MOK: variants seen among roughly 807,000 people sequenced by gnomAD.
The protein encoded by MOK is MAPK/MAK/MRK overlapping kinase.
A neutral mutation model predicts 54.2 loss-of-function variants in MOK; 59 were observed. That is an observed-to-expected ratio of 1.09 (90% CI 0.88 to 1.35). The LOEUF (loss-of-function observed/expected upper bound fraction) is 1.35. MOK is among the 40% of genes most tolerant of loss of function. MOK has a pLI of 0.00. For synonymous variants in MOK, 210 were observed against 202.7 expected (o/e 1.04, Z -0.31); for missense variants, 517 against 526.2 (o/e 0.98, Z 0.17).
Position 102,266,008 on chromosome 14 carries a change from C to A in MOK, c.123-96G>T, listed in dbSNP as rs149859850. ...TCCAGGATCACAATTTTAAAACTCA[C>A]AAATATTTCAAGCAAGTTAATCAGG... On this transcript the variant is annotated intron_variant, in intron 2 of 11. Coordinates refer to ENST00000361847, the MANE Select transcript of MOK (RefSeq NM_014226.3). 1.6e-3 allele frequency: 1,377 copies of A among 876,318 alleles called. 31 individuals are homozygous for A. The East Asian group carries it at 0.03, about 19-fold the overall frequency. The allele number at this position is 876,318 out of a possible 1,614,324, so 54.3% of individuals were successfully genotyped here. A position where few individuals can be genotyped will look rare whatever the true frequency, so the allele number is the denominator to read the frequency against.
intron 1 of MOK, among the ~76,000 whole-genome samples, chr14:102,286,179 G>A (rs2070050628): frequency 6.6e-6 from 1 of 150,744 alleles, no homozygotes; most frequent in South Asian, 2.1e-4. Context: ...GGTGCCTGTA[G>A]TCCCAGCTAC....
rs897080678 is a variant in MOK, at chr14:102,232,203, T to G, written c.866+332A>C. ...GTGACATCCACAGTGCTCTACCATCTCAGAATGCATCCTGTTCACACCATT... is the reference window on the plus strand; with the variant it reads ...GTGACATCCACAGTGCTCTACCATCGCAGAATGCATCCTGTTCACACCATT... On this transcript the variant is annotated intron_variant, in intron 9 of 11. Transcript: ENST00000361847. This position sits in a 1 kb window ranked among gnomAD's most constrained non-coding sequence, Gnocchi z 5.1. The G allele has an allele frequency of 2.9e-6, 1 of 344,320 alleles. No individual in the cohort carries two copies. The allele number at this position is 344,320 out of a possible 1,614,324, so 21.3% of individuals were successfully genotyped here.
At chr14:102,278,987 G>A (rs2069143325) in intron 2 of MOK, among the ~76,000 whole-genome samples, 1 of 152,176 alleles carries the variant, frequency 6.6e-6, no homozygotes, top group African/African-American at 2.4e-5. Flanking sequence ...CAATCTTATG[G>A]GGTAGATACT....
At chr14:102,262,751 T>C (rs967303528) in intron 4 of MOK, among the ~76,000 whole-genome samples, 3 of 152,216 alleles carry the variant, frequency 2.0e-5, no homozygotes, top group Non-Finnish European at 2.9e-5. Context: ...AAATCATCTA[T>C]GATGCTGTCA....
intron 2 of MOK, among the ~76,000 whole-genome samples, chr14:102,275,292 C>T (rs946662446): frequency 9.2e-5 from 14 of 152,266 alleles, no homozygotes; most frequent in African/African-American, 4.8e-5. Flanking sequence ...TGGCCGGGCA[C>T]GGCGGCTCAC....
At chr14:102,248,583 C>G (rs767991946) in intron 7 of MOK, among the ~76,000 whole-genome samples, 3 of 151,976 alleles carry the variant, frequency 2.0e-5, no homozygotes, top group Non-Finnish European at 4.4e-5. Context: ...TCAAGACCAT[C>G]CTGGCTAACA....
At chr14:102,216,936 GA>G in the MOK span, among the ~76,000 whole-genome samples, 1 of 151,804 alleles carries the variant, frequency 6.6e-6, no homozygotes, top group South Asian at 2.1e-4. Context: ...CTGTCTTAAA[GA>G]AAAAAAATAG....
intron 10 of MOK, chr14:102,229,987 G>A (rs555158353): frequency 1.9e-4 from 59 of 306,368 alleles, no homozygotes; most frequent in Middle Eastern, 1.9e-3. Context: ...TCTGCCTGTC[G>A]CCTGGTTTTG....
the MOK span, among the ~76,000 whole-genome samples, chr14:102,218,843 G>A: frequency 2.0e-5 from 3 of 152,368 alleles, no homozygotes; most frequent in African/African-American, 7.2e-5. Context: ...GGAATTGCCA[G>A]CTGTCCTGCT....
chr14:102,231,952 A>C lies in MOK; in HGVS notation c.867-131T>G, dbSNP rs2064766968. 3 of 660,880 alleles carry C rather than the reference A, an allele frequency of 4.5e-6. No homozygotes were observed. Among genetic ancestry groups the C allele is most frequent in the South Asian group, 4.5e-5 (2 of 44,548 alleles). 40.9% of individuals were successfully genotyped at this position (660,880 alleles called of 1,614,324 possible). A position where few individuals can be genotyped will look rare whatever the true frequency, so the allele number is the denominator to read the frequency against. On this transcript the variant is annotated intron_variant, in intron 9 of 11. Coordinates refer to ENST00000361847, the MANE Select transcript of MOK (RefSeq NM_014226.3). The surrounding 1 kb of genome is among the most constrained non-coding windows in gnomAD (Gnocchi z 4.4). ...AGCTCTTCTTTTCTGCCTGAGCTGT[A>C]ATCAGGAGCCTTTTTTTTTCTTTTC...
At chr14:102,252,892 G>A (rs2066641340) in intron 4 of MOK, among the ~76,000 whole-genome samples, 1 of 152,210 alleles carries the variant, frequency 6.6e-6, no homozygotes, top group South Asian at 2.1e-4. Context: ...TATGACATAG[G>A]AGAGGTTAAA....
intron 3 of MOK, chr14:102,263,879 T>C (rs1441858074): frequency 6.6e-6 from 2 of 301,796 alleles, no homozygotes; most frequent in Non-Finnish European, 1.2e-5. Flanking sequence ...CATAATTAAT[T>C]ATCAGCAGAA....
At chr14:102,283,852 C>G (rs1359512196) in intron 1 of MOK, among the ~76,000 whole-genome samples, 1 of 152,222 alleles carries the variant, frequency 6.6e-6, no homozygotes, top group Admixed American at 6.6e-5. Context: ...AGAGGCTCAG[C>G]TACCCTACAA....
intron 1 of MOK, among the ~76,000 whole-genome samples, chr14:102,288,938 C>T (rs775097367): frequency 1.3e-4 from 20 of 152,094 alleles, no homozygotes; most frequent in Non-Finnish European, 2.1e-4. Context: ...GGTCTCACTC[C>T]GTTGCCCAGG....
intron 4 of MOK, among the ~76,000 whole-genome samples, chr14:102,257,736 T>C (rs1484824487): frequency 1.3e-5 from 2 of 152,182 alleles, no homozygotes; most frequent in East Asian, 3.9e-4. Flanking sequence ...CCCAGCACTT[T>C]GGGAGGCTGA....
intron 1 of MOK, among the ~76,000 whole-genome samples, chr14:102,286,550 G>A (rs1349876376): frequency 1.3e-5 from 2 of 152,052 alleles, no homozygotes; most frequent in African/African-American, 4.8e-5. Context: ...GTTTGAGGCT[G>A]CAGTGAGTAG....
At position 102,235,785 on chromosome 14, in the gene MOK, G is replaced by A. The variant is rs115803621; in HGVS notation, c.591-1996C>T. Among the ~76,000 whole-genome samples the A allele has an allele frequency of 8.9e-3, 1,362 of 152,182 alleles. 21 individuals carry two copies. Among genetic ancestry groups the A allele is most frequent in the African/African-American group, 0.031 (1,293 of 41,502 alleles). ...TTTCCCAATCTGCCCCCGACATCTG[G>A]CGCAAACTTAAAAAGGCTGAAGATG... On this transcript the variant is annotated intron_variant, in intron 7 of 11. Transcript: ENST00000361847. This position sits in a 1 kb window ranked among gnomAD's most constrained non-coding sequence, Gnocchi z 4.4.
chr14:102,292,695 A>G (rs1010211540), intron 1 of MOK, among the ~76,000 whole-genome samples: 1 of 152,020 alleles, frequency 6.6e-6, no homozygotes, highest in Non-Finnish European at 1.5e-5. Flanking sequence ...AAACCTCTTA[A>G]ATAGAAAGTC....
chr14:102,234,049 A>C, intron 7 of MOK: 15 of 340,900 alleles, frequency 4.4e-5, no homozygotes, highest in East Asian at 5.6e-5. Flanking sequence ...CCCAATATAA[A>C]CCCCTCAATC....
Sources: allele counts gnomAD v4.1 joint callset (sites outside exome capture counted in the v4.1 genomes callset), GRCh38; gene constraint gnomAD v4.1.1; non-coding constraint Gnocchi (gnomAD v3.1); transcripts MANE v1.5; gene names NCBI Gene and HGNC (gene_info 2026-07-23, HGNC 2026-07-21).